Variants in SH3BP1 observed in about 807,000 individuals in gnomAD.
SH3BP1 encodes the protein SH3 domain-binding protein 1.
Under a neutral mutation model 69.8 loss-of-function variants are expected in SH3BP1, and 46 were observed. That is an observed-to-expected ratio of 0.66 (90% CI 0.52 to 0.84). SH3BP1 has a LOEUF of 0.84. Among genes scored for constraint, SH3BP1 ranks in the 40% least tolerant of loss-of-function variants. The pLI, the probability that SH3BP1 is intolerant of heterozygous loss-of-function variation, is 0.00. For synonymous variants in SH3BP1, 403 were observed against 378.0 expected (o/e 1.07, Z -0.77); for missense variants, 868 against 930.9 (o/e 0.93, Z 0.88).
At chr22:37,645,087 CTG>C (rs1932759748) in intron 9 of SH3BP1, 127 bp downstream of exon 9, 1 of 937,936 alleles carries the variant, frequency 1.1e-6, no homozygotes, top group Non-Finnish European at 1.6e-6. Context: ...TAGGCTCAAT[CTG>C]TGATGGAGAG....
In SH3BP1 at chr22:37,642,604, T is replaced by C. The variant is rs1932640646; in HGVS notation, c.273T>C (p.Asp91=). 1.9e-6 allele frequency: 3 copies of C among 1,613,170 alleles called. No homozygotes were observed. The highest frequency in any genetic ancestry group is 2.5e-6 in the Non-Finnish European group (3 of 1,179,976). The change falls in exon 4 of 18, where the codon GAT becomes GAC. Residue 91 remains aspartate (D), a synonymous_variant. Coordinates refer to ENST00000649765, the MANE Select transcript of SH3BP1 (RefSeq NM_018957.6). The part of the protein sequence containing the change: ...MAESFKELDP[D]SSMGKALEMS... The stretch of plus-strand genomic sequence containing the variant: ...AGAGCTTCAAGGAGCTGGACCCTGA[T>C]TCCAGCATGGGGTGAGCACAGACGG...
intron 1 of SH3BP1, chr22:37,640,780 G>C (rs1410958027): frequency 2.9e-6 from 1 of 347,576 alleles, no homozygotes; most frequent in Admixed American, 4.6e-5. Flanking sequence ...TCCTCATCCC[G>C]GGGTGGGCTG....
rs70950549 is a variant in SH3BP1, at chr22:37,655,306, GC to G, written c.1735del (p.Gln579ArgfsTer79). 1.8e-5 allele frequency: 27 copies of G among 1,471,974 alleles called. No homozygotes were observed. The highest frequency in any genetic ancestry group is 8.3e-5 in the Admixed American group (4 of 48,324). The allele number at this position is 1,471,974 out of a possible 1,614,324, so 91.2% of individuals were successfully genotyped here. Reference protein sequence around the residue: ...RPAPARPTMPPPQVSGSRSSP... With the variant: ...RPAPARPTMPXPQVSGSRSSP... ...CGGCGCCAGCCCGGCCCACCATGCCGCCCCCCCAGGTCTCCGGCTCCCGCTC... is the reference window on the plus strand; with the variant it reads ...CGGCGCCAGCCCGGCCCACCATGCCGCCCCCCAGGTCTCCGGCTCCCGCTC... On this transcript the variant is annotated frameshift_variant, in exon 18 of 18. Transcript: ENST00000649765. LOFTEE classifies it low-confidence loss of function (END_TRUNC).
intron 6 of SH3BP1, 184 bp from the exon 7 acceptor site, chr22:37,643,460 A>G: frequency 1.3e-6 from 1 of 788,488 alleles, no homozygotes; most frequent in Middle Eastern, 2.9e-4. Flanking sequence ...TGATCACCAA[A>G]TCTGCCACCA....
At chr22:37,640,149 T>A (rs552811395) in intron 1 of SH3BP1, among the ~76,000 whole-genome samples, 101 of 152,266 alleles carry the variant, frequency 6.6e-4, no homozygotes, top group African/African-American at 2.3e-3. Context: ...CACGAGTCTC[T>A]AAGTGGATGG....
chr22:37,652,250 C>T (rs745463751), intron 16 of SH3BP1, among the ~76,000 whole-genome samples: 2 of 149,744 alleles, frequency 1.3e-5, no homozygotes, highest in African/African-American at 4.9e-5. Flanking sequence ...GCAGAGCTTG[C>T]AGTGAGCCAA....
chr22:37,656,030 T>G lies in SH3BP1; in HGVS notation c.*346T>G. ...TGTAAGGCTGGTAAATAAATTATTT[T>G]GGACAAAACTGGAGCAGCTGCCCAA... is the stretch of plus-strand genomic sequence containing the variant. On this transcript the variant is annotated 3_prime_UTR_variant, in exon 18 of 18. Transcript: ENST00000649765. The G allele has an allele frequency of 1.4e-6, 2 of 1,405,922 alleles. No homozygotes were observed. Among genetic ancestry groups the G allele is most frequent in the Non-Finnish European group, 1.9e-6 (2 of 1,058,710 alleles). The allele number at this position is 1,405,922 out of a possible 1,614,324, so 87.1% of individuals were successfully genotyped here. A position where few individuals can be genotyped will look rare whatever the true frequency, so the allele number is the denominator to read the frequency against.
chr22:37,653,917 G>T lies in SH3BP1; in HGVS notation c.1693+44G>T. The T allele has an allele frequency of 3.3e-6, 4 of 1,227,870 alleles. No homozygotes were observed. The South Asian group carries it at 5.0e-5, about 15-fold the overall frequency. 76.1% of individuals were successfully genotyped at this position (1,227,870 alleles called of 1,614,324 possible). ...GGGAGGAGGGGACAGAGGGTGGGCGGGGAGAGGGGACAGGCAGTCCCAGGT... is the reference window on the plus strand; with the variant it reads ...GGGAGGAGGGGACAGAGGGTGGGCGTGGAGAGGGGACAGGCAGTCCCAGGT... On this transcript the variant is annotated intron_variant, in intron 17 of 17. Transcript: ENST00000649765.
At chr22:37,642,442 TG>T in intron 3 of SH3BP1, 96 bp from the exon 4 acceptor site, 1 of 1,235,574 alleles carries the variant, frequency 8.1e-7, no homozygotes, top group Non-Finnish European at 1.2e-6. Flanking sequence ...GTGGCCCTCC[TG>T]GGTTCCCTCC....
chr22:37,655,898 C>T lies in SH3BP1; in HGVS notation c.*214C>T, dbSNP rs900220951. On this transcript the variant is annotated 3_prime_UTR_variant, in exon 18 of 18. Transcript: ENST00000649765. ...TCGTCCACCCTGGGCTTGGGGACCC[C>T]CCCACCGGACTCTCCACTCTCCGGC... 5 of 1,560,540 alleles carry T rather than the reference C, an allele frequency of 3.2e-6. No individual in the cohort carries two copies. The African/African-American group carries it at 6.8e-5, about 21-fold the overall frequency.
In SH3BP1 at chr22:37,641,440, C is replaced by T. The variant is rs773591534; in HGVS notation, c.169C>T (p.Leu57=). 8 of 1,551,216 alleles carry T rather than the reference C, an allele frequency of 5.2e-6. No homozygotes were observed. The Admixed American group carries it at 5.9e-5, about 11-fold the overall frequency. ...HNIHKRLQAC[L]QGQSGADMDK... is the part of the protein sequence containing the mutation. Reference sequence around the variant, plus strand: ...CATCCACAAGCGGCTGCAGGCCTGTCTGCAGGGCCAGAGCGGGGCAGACAT... The same window carrying T: ...CATCCACAAGCGGCTGCAGGCCTGTTTGCAGGGCCAGAGCGGGGCAGACAT... Residue 57 remains leucine, a synonymous_variant, in exon 3 of 18, where the codon CTG becomes TTG. Transcript: ENST00000649765.
chr22:37,650,684 AGCTC>A lies in SH3BP1; in HGVS notation c.1558_1561del (p.Ala520ArgfsTer137). On this transcript the variant is annotated frameshift_variant, in exon 16 of 18. Transcript: ENST00000649765. LOFTEE classifies it high-confidence loss of function. ...CGGCTCCGGCTCCGGCTCCAGCTCC[AGCTC>A]CGGCCCCAGCCTTGGCTTCAGCAGC... 6.2e-7 allele frequency: 1 copy of A among 1,613,420 alleles called. No individual in the cohort carries two copies. The highest frequency in any genetic ancestry group is 1.1e-5 in the South Asian group (1 of 91,024).
chr22:37,646,711 A>AC (rs1932790936), intron 10 of SH3BP1, 107 bp from the exon 11 acceptor site: 2 of 547,996 alleles, frequency 3.6e-6, no homozygotes. Flanking sequence ...ACCAGCGGGG[A>AC]CACAGGCCTA....
intron 17 of SH3BP1, 120 bp downstream of exon 17, chr22:37,653,993 G>C: frequency 1.4e-6 from 1 of 733,112 alleles, no homozygotes; most frequent in Non-Finnish European, 2.3e-6. Flanking sequence ...AGGTGATAAA[G>C]AGCCCAGGTC....
intron 16 of SH3BP1, among the ~76,000 whole-genome samples, chr22:37,652,238 A>G (rs1001519310): frequency 6.6e-6 from 1 of 151,280 alleles, no homozygotes; most frequent in Non-Finnish European, 1.5e-5. Flanking sequence ...TGAACCCAGG[A>G]GGCAGAGCTT....
chr22:37,655,191 T>G, intron 17 of SH3BP1, 81 bp from the exon 18 acceptor site: 1 of 1,018,506 alleles, frequency 9.8e-7, no homozygotes, highest in Non-Finnish European at 1.4e-6. Flanking sequence ...ATGCAAAGGT[T>G]GTGAGGGGGC....
At position 37,647,530 on chromosome 22, in the gene SH3BP1, G is replaced by C; in HGVS notation, c.1199+9G>C. 3 of 1,589,068 alleles carry C rather than the reference G, an allele frequency of 1.9e-6. No individual in the cohort carries two copies. The African/African-American group carries it at 4.0e-5, about 21-fold the overall frequency. On this transcript the variant is annotated intron_variant, in intron 13 of 17. Transcript: ENST00000649765. ...AACCTCAGCAACCTCAGGTGAGCCC[G>C]AGCCCGCCTCCCCAGCCTGCCGCAG...
At position 37,641,098 on chromosome 22, in the gene SH3BP1, T is replaced by TCCCCCCCCC. The variant is rs751968178; in HGVS notation, c.60-23_60-15dup. On this transcript the variant is annotated intron_variant, in intron 1 of 17. Coordinates refer to ENST00000649765, the MANE Select transcript of SH3BP1 (RefSeq NM_018957.6). ...CCAGGCAGGCTCAGCAGAAGCACTCTCCCCCCCCCCCCCACCACTCCCCGC... is the reference window on the plus strand; with the variant it reads ...CCAGGCAGGCTCAGCAGAAGCACTCTCCCCCCCCCCCCCCCCCCCCCCACCACTCCCCGC... 8 of 947,994 alleles carry TCCCCCCCCC rather than the reference T, an allele frequency of 8.4e-6. No individual in the cohort carries two copies. In the African/African-American group the frequency reaches 1.1e-4, roughly 13 times the overall value. The allele number at this position is 947,994 out of a possible 1,614,324, so 58.7% of individuals were successfully genotyped here.
intron 14 of SH3BP1, 23 bp from the exon 15 acceptor site, chr22:37,650,129 G>A: frequency 6.2e-7 from 1 of 1,613,854 alleles, no homozygotes; most frequent in Non-Finnish European, 8.5e-7. Flanking sequence ...CCTTTGCTGA[G>A]CAGATGCATC....
Sources: gnomAD v4.1 joint callset for allele counts (sites outside exome capture counted in the v4.1 genomes callset) on GRCh38, gnomAD v4.1.1 for gene constraint, MANE v1.5 for transcripts, NCBI Gene and HGNC (gene_info 2026-07-23, HGNC 2026-07-21) for gene names.